Variants in RNF111 observed in about 807,000 individuals in gnomAD.
RNF111 encodes the protein ring finger protein 111.
Under a neutral mutation model 95.1 loss-of-function variants are expected in RNF111, and 17 were observed. The ratio of observed to expected loss-of-function variants is 0.18; its 90% CI spans 0.12 to 0.27. The LOEUF is 0.27. Among genes scored for constraint, RNF111 ranks in the 10% least tolerant of loss-of-function variants. The pLI, the probability that RNF111 is intolerant of heterozygous loss-of-function variation, is 1.00. For synonymous variants in RNF111, 440 were observed against 414.8 expected (o/e 1.06, Z -0.74); for missense variants, 1,189 against 1,210.4 (o/e 0.98, Z 0.26).
At chr15:58,997,614 C>T (rs1203806511) in intron 1 of RNF111, among the ~76,000 whole-genome samples, 4 of 151,120 alleles carry the variant, frequency 2.6e-5, no homozygotes, top group East Asian at 2.0e-4. Flanking sequence ...GTCAAGAGAT[C>T]GAGACCATCC....
chr15:58,994,987 A>G (rs189854222), intron 1 of RNF111, among the ~76,000 whole-genome samples: 1 of 152,294 alleles, frequency 6.6e-6, no homozygotes, highest in East Asian at 1.9e-4. Context: ...TTATCCCTTT[A>G]CAGCATTTTC....
intron 1 of RNF111, among the ~76,000 whole-genome samples, chr15:59,011,922 A>G (rs1295763204): frequency 4.8e-5 from 7 of 146,538 alleles, no homozygotes; most frequent in Admixed American, 4.1e-4. Context: ...CCAAACTAGG[A>G]TTGTCAAAGT....
intron 8 of RNF111, among the ~76,000 whole-genome samples, chr15:59,083,307 G>A (rs540004215): frequency 3.0e-4 from 45 of 152,208 alleles, no homozygotes; most frequent in South Asian, 1.9e-3. Flanking sequence ...CAGCACTTTG[G>A]GAGGCCAAGG....
intron 1 of RNF111, among the ~76,000 whole-genome samples, chr15:58,998,666 G>T (rs541113097): frequency 6.6e-6 from 1 of 152,138 alleles, no homozygotes; most frequent in African/African-American, 2.4e-5. Flanking sequence ...GAAGTGAGCC[G>T]TTCACTTCAA....
chr15:59,044,103 T>G (rs1460096636), intron 2 of RNF111, among the ~76,000 whole-genome samples: 2 of 152,158 alleles, frequency 1.3e-5, no homozygotes, highest in East Asian at 3.8e-4. Context: ...CAATCTCGGC[T>G]CACTGCAACC....
Position 59,060,586 on chromosome 15 carries a change from G to A in RNF111, c.1366+2036G>A, listed in dbSNP as rs190632819. 2.8e-3 allele frequency among the ~76,000 whole-genome samples: 428 copies of A among 152,208 alleles called. 4 individuals carry two copies. Among genetic ancestry groups the A allele is most frequent in the South Asian group, 0.02 (97 of 4,816 alleles). ...ACAAGTTGAGGCTACAGTGATCCTC[G>A]AGGGCACCACTACACTCCAGCCCAG... On this transcript the variant is annotated intron_variant, in intron 5 of 13. Transcript: ENST00000348370.
chr15:59,001,650 AGG>A (rs1181847875), intron 1 of RNF111, among the ~76,000 whole-genome samples: 1 of 152,218 alleles, frequency 6.6e-6, no homozygotes, highest in Non-Finnish European at 1.5e-5. Context: ...TTTGACAGCT[AGG>A]TTCTTTAATA....
chr15:59,052,602 A>G lies in RNF111; in HGVS notation c.1007+171A>G, dbSNP rs530296454. On this transcript the variant is annotated intron_variant, in intron 3 of 13. Transcript: ENST00000348370. ...TTTTTTTTTTTTTTTGGTAAGAGAT[A>G]GAATATTGCTATGTTACCCAGGCTG... 3.1e-5 allele frequency among the ~76,000 whole-genome samples: 4 copies of G among 127,854 alleles called. No individual in the cohort carries two copies. The East Asian group carries it at 8.9e-4, about 28-fold the overall frequency. The allele number at this position is 127,854 out of a possible 152,430, so 83.9% of individuals were successfully genotyped here.
intron 1 of RNF111, among the ~76,000 whole-genome samples, chr15:59,007,175 G>T (rs1452529427): frequency 6.6e-6 from 1 of 152,014 alleles, no homozygotes; most frequent in African/African-American, 2.4e-5. Context: ...CCTTATGAAG[G>T]TATTGAACAC....
intron 1 of RNF111, among the ~76,000 whole-genome samples, chr15:59,012,090 G>T (rs541677310): frequency 1.6e-4 from 21 of 128,078 alleles, no homozygotes; most frequent in Non-Finnish European, 3.1e-4. Flanking sequence ...GCGATCTTGC[G>T]TCACTGTAAC....
At chr15:59,091,562 G>A (rs1470377349) in intron 12 of RNF111, among the ~76,000 whole-genome samples, 1 of 152,096 alleles carries the variant, frequency 6.6e-6, no homozygotes, top group South Asian at 2.1e-4. Flanking sequence ...TCCATCATAT[G>A]GCAGTACTGT....
chr15:59,014,684 G>A (rs2039985142), intron 1 of RNF111, among the ~76,000 whole-genome samples: 1 of 151,674 alleles, frequency 6.6e-6, no homozygotes, highest in South Asian at 2.1e-4. Flanking sequence ...GGTGCAGAAA[G>A]AAAGCATGTT....
At chr15:59,094,734 C>T (rs1273829068) in intron 13 of RNF111, 49 bp from the exon 14 acceptor site, 4 of 1,016,802 alleles carry the variant, frequency 3.9e-6, no homozygotes, top group Non-Finnish European at 3.1e-6. Context: ...TAACTACGTA[C>T]AATTATCATA....
Position 59,031,068 on chromosome 15 carries a change from G to C in RNF111, c.246G>C (p.Gln82His). The C allele has an allele frequency of 1.2e-6, 2 of 1,614,236 alleles. No homozygotes were observed. The highest frequency in any genetic ancestry group is 1.7e-6 in the Non-Finnish European group (2 of 1,180,046). ...QKQEKEMNGNQQEQEKSLVVR... is the reference protein window; with the variant it reads ...QKQEKEMNGNHQEQEKSLVVR... ...AAGAGAAGGAAATGAATGGTAACCA[G>C]CAAGAACAAGAAAAAAGTCTCGTTG... The change falls in exon 2 of 14, where the codon CAG becomes CAC. Residue 82 changes from glutamine to histidine, a missense_variant. Coordinates refer to ENST00000348370, the MANE Select transcript of RNF111 (RefSeq NM_017610.8).
At chr15:58,999,526 G>C (rs949432222) in intron 1 of RNF111, among the ~76,000 whole-genome samples, 5 of 152,052 alleles carry the variant, frequency 3.3e-5, no homozygotes, top group Admixed American at 6.6e-5. Context: ...AGTAGAGACA[G>C]GGTTTCACTA....
chr15:59,081,599 G>A (rs752720216), intron 8 of RNF111, among the ~76,000 whole-genome samples: 34 of 152,086 alleles, frequency 2.2e-4, no homozygotes, highest in Non-Finnish European at 4.4e-4. Flanking sequence ...GCTCATTCCC[G>A]TAATCCCCAG....
rs1491556664 is a variant in RNF111 at position 59,069,072 on chromosome 15, TCA to T, written c.1686+1990_1686+1991del. ...CTTGGCGACAGAACAAGACTCCGTCTCAAAAAAAAAAAAAAAAAAAAGGAGTT... is the reference window on the plus strand; with the variant it reads ...CTTGGCGACAGAACAAGACTCCGTCTAAAAAAAAAAAAAAAAAAAGGAGTT... On this transcript the variant is annotated intron_variant, in intron 6 of 13. Coordinates refer to ENST00000348370, the MANE Select transcript of RNF111 (RefSeq NM_017610.8). Among the ~76,000 whole-genome samples the T allele has an allele frequency of 3.2e-4, 19 of 60,278 alleles. 1 individual carries two copies. The South Asian group carries it at 6.1e-3, about 19-fold the overall frequency. The allele number at this position is 60,278 out of a possible 152,430, so 39.5% of individuals were successfully genotyped here.
At chr15:59,016,272 C>T (rs759800099) in intron 1 of RNF111, among the ~76,000 whole-genome samples, 4 of 151,550 alleles carry the variant, frequency 2.6e-5, no homozygotes, top group Non-Finnish European at 4.4e-5. Flanking sequence ...TGGATTCAAG[C>T]GATTCTCCTG....
At chr15:59,007,029 G>T (rs1400253045) in intron 1 of RNF111, among the ~76,000 whole-genome samples, 6 of 152,110 alleles carry the variant, frequency 3.9e-5, no homozygotes, top group Non-Finnish European at 8.8e-5. Flanking sequence ...CTTGTGATCT[G>T]CCTGCCTCAG....
Sources: gnomAD v4.1 joint callset for allele counts (sites outside exome capture counted in the v4.1 genomes callset) on GRCh38, gnomAD v4.1.1 for gene constraint, MANE v1.5 for transcripts, NCBI Gene and HGNC (gene_info 2026-07-23, HGNC 2026-07-21) for gene names.